Variants in SIK3 observed in about 807,000 individuals in gnomAD.
The protein encoded by SIK3 is serine/threonine-protein kinase SIK3.
SIK3 carries 28 observed loss-of-function variants against 144.2 expected under a neutral mutation model. The ratio of observed to expected loss-of-function variants is 0.19; its 90% CI spans 0.14 to 0.27. The LOEUF (loss-of-function observed/expected upper bound fraction) is 0.27, where lower values mean the gene tolerates loss of function less well. Among genes scored for constraint, SIK3 ranks in the 10% least tolerant of loss-of-function variants. SIK3 has a pLI of 1.00. For missense variants in SIK3, 1,319 were observed against 1,776.0 expected (o/e 0.74, Z 4.62); for synonymous variants, 686 against 676.3 (o/e 1.01, Z -0.22).
rs34899537 is a variant in SIK3 at position 116,927,081 on chromosome 11, ATT to A, written c.616+136_616+137del. The A allele has an allele frequency of 8.2e-4, 459 of 557,380 alleles. 2 individuals are homozygous for A. The African/African-American group carries it at 8.4e-3, about 10-fold the overall frequency. 34.5% of individuals were successfully genotyped at this position (557,380 alleles called of 1,614,324 possible). On this transcript the variant is annotated intron_variant, in intron 4 of 24. Transcript: ENST00000445177. ...TTTAAAGTTTATCAATTTTCAGGCT[ATT>A]TTTTTTTTCATCTTAAATTGTCCTT...
intron 4 of SIK3, among the ~76,000 whole-genome samples, chr11:116,920,573 T>C (rs1420080400): frequency 6.6e-6 from 1 of 152,236 alleles, no homozygotes; most frequent in Non-Finnish European, 1.5e-5. Flanking sequence ...TCTTACTGAC[T>C]GCTGTACCCC....
intron 1 of SIK3, among the ~76,000 whole-genome samples, chr11:117,072,625 T>C (rs934030516): frequency 2.0e-5 from 3 of 152,178 alleles, no homozygotes; most frequent in Admixed American, 2.0e-4. Flanking sequence ...ATTTTTACTA[T>C]CTGAAAATGT....
At chr11:116,958,499 C>G (rs1053618764) in intron 1 of SIK3, among the ~76,000 whole-genome samples, 3 of 152,048 alleles carry the variant, frequency 2.0e-5, no homozygotes, top group Non-Finnish European at 4.4e-5. Context: ...TCAAGGAGAT[C>G]ACAGTCTAAA....
chr11:117,050,665 C>A (rs1286403591), intron 1 of SIK3, among the ~76,000 whole-genome samples: 11 of 151,718 alleles, frequency 7.3e-5, no homozygotes, highest in Non-Finnish European at 1.5e-4. Context: ...CCAGCCTGGG[C>A]AACAAGAGTG....
At position 116,889,334 on chromosome 11, in the gene SIK3, T is replaced by C. The variant is rs575006197; in HGVS notation, c.865+6919A>G. ...ATCCCAGCACTCTGGGAGGCCAAGG[T>C]GGGAGGATTGCTTGAGGCCAAGAGT... On this transcript the variant is annotated intron_variant, in intron 6 of 24. Coordinates refer to ENST00000445177, the MANE Select transcript of SIK3 (RefSeq NM_001366686.3). 2.6e-5 allele frequency among the ~76,000 whole-genome samples: 4 copies of C among 152,220 alleles called. No homozygotes were observed. The South Asian group carries it at 8.3e-4, about 32-fold the overall frequency.
chr11:116,901,940 A>G (rs926618723), intron 4 of SIK3, among the ~76,000 whole-genome samples: 2 of 152,228 alleles, frequency 1.3e-5, no homozygotes, highest in African/African-American at 4.8e-5. Flanking sequence ...GATTCAGCAA[A>G]GTTGACGTCT....
intron 4 of SIK3, among the ~76,000 whole-genome samples, chr11:116,912,873 G>C (rs560649594): frequency 7.2e-5 from 11 of 152,148 alleles, no homozygotes; most frequent in Non-Finnish European, 1.2e-4. Flanking sequence ...AAATGTTGCT[G>C]CTAGAAATGA....
chr11:117,091,014 G>A (rs1005728014), intron 1 of SIK3, among the ~76,000 whole-genome samples: 2 of 152,268 alleles, frequency 1.3e-5, no homozygotes, highest in East Asian at 3.9e-4. Context: ...ACTGTTTTCT[G>A]TGATTAGAGA....
chr11:116,960,155 A>G (rs954616376), intron 1 of SIK3, among the ~76,000 whole-genome samples: 3 of 152,228 alleles, frequency 2.0e-5, no homozygotes, highest in Admixed American at 6.5e-5. Context: ...GGCACGTACA[A>G]AGAAGTTTTA....
intron 4 of SIK3, among the ~76,000 whole-genome samples, chr11:116,904,281 C>A (rs1397581809): frequency 1.3e-5 from 2 of 152,140 alleles, no homozygotes; most frequent in Admixed American, 6.6e-5. Context: ...CGAGCAAGGG[C>A]AGAACACTTA....
At chr11:116,910,721 G>A (rs1334708695) in intron 4 of SIK3, among the ~76,000 whole-genome samples, 1 of 152,030 alleles carries the variant, frequency 6.6e-6, no homozygotes, top group Non-Finnish European at 1.5e-5. Context: ...TAGTTCACAT[G>A]GCTCAAGATG....
rs760587578 is a variant in SIK3 at position 116,857,952 on chromosome 11, G to C, written c.3513C>G (p.Asp1171Glu). Residue 1171 changes from aspartate to glutamate, a missense_variant, in exon 21 of 25, where the codon GAC becomes GAG. Asp to Glu is a conservative substitution (Grantham distance 45). This residue lies in a region of SIK3 where 646 missense variants were observed against 763.7 expected (regional missense o/e 0.85). Transcript: ENST00000445177. Reference protein sequence around the residue: ...SSSTLTKGCHDSPLLLSTGGP... With the variant: ...SSSTLTKGCHESPLLLSTGGP... The stretch of plus-strand genomic sequence containing the variant: ...CACCGGTACTCAAGAGCAGAGGGCT[G>C]TCATGGCAACCTTTGGTCAATGTAC... 6.2e-7 allele frequency: 1 copy of C among 1,614,222 alleles called. No homozygotes were observed. Among genetic ancestry groups the C allele is most frequent in the Admixed American group, 1.7e-5 (1 of 60,030 alleles).
intron 1 of SIK3, among the ~76,000 whole-genome samples, chr11:117,050,156 G>A (rs1249145184): frequency 6.6e-6 from 1 of 151,982 alleles, no homozygotes; most frequent in Non-Finnish European, 1.5e-5. Context: ...GGGCATGGTA[G>A]CAGGCACCTA....
chr11:117,081,315 G>T (rs532933992), intron 1 of SIK3, among the ~76,000 whole-genome samples: 4 of 152,242 alleles, frequency 2.6e-5, no homozygotes, highest in African/African-American at 9.6e-5. Context: ...TACATAGACA[G>T]ATGTTTTTAA....
intron 3 of SIK3, among the ~76,000 whole-genome samples, chr11:116,945,376 A>G (rs1335771130): frequency 7.5e-6 from 1 of 134,032 alleles, no homozygotes; most frequent in Non-Finnish European, 1.6e-5. Flanking sequence ...TAGCTTCATG[A>G]ATTCTTTTTT....
chr11:116,847,472 T>G lies in SIK3; in HGVS notation c.3952+4A>C, dbSNP rs1942065117. The G allele has an allele frequency of 1.2e-6, 2 of 1,614,016 alleles. No homozygotes were observed. The highest frequency in any genetic ancestry group is 1.7e-6 in the Non-Finnish European group (2 of 1,180,020). On this transcript the variant is annotated splice_donor_region_variant and intron_variant, in intron 23 of 24. Transcript: ENST00000445177. ...TGGAGTGCCCCATGCATAAGGCTCC[T>G]CACCCTCATTTTCCCCATCCTGAAA...
chr11:117,089,323 C>T (rs1955147116), intron 1 of SIK3, among the ~76,000 whole-genome samples: 2 of 151,034 alleles, frequency 1.3e-5, no homozygotes, highest in Admixed American at 6.6e-5. Flanking sequence ...AGGAGAACGG[C>T]GTGAACCCGA....
At chr11:116,880,106 A>G (rs1329742869) in intron 6 of SIK3, among the ~76,000 whole-genome samples, 1 of 152,182 alleles carries the variant, frequency 6.6e-6, no homozygotes. Context: ...GCTTGCTTTA[A>G]AACAGATTTT....
Position 116,873,463 on chromosome 11 carries a change from C to T in SIK3, c.1737+18G>A. The T allele has an allele frequency of 1.2e-6, 2 of 1,614,162 alleles. No individual in the cohort carries two copies. Among genetic ancestry groups the T allele is most frequent in the Non-Finnish European group, 1.7e-6 (2 of 1,180,024 alleles). On this transcript the variant is annotated intron_variant, in intron 13 of 24. Coordinates refer to ENST00000445177, the MANE Select transcript of SIK3 (RefSeq NM_001366686.3). ...AAAGCCTCTGAGACAGTGAATTGGG[C>T]TCTGTGCTGCTACTCACTGGTGTCA...
Sources: allele counts gnomAD v4.1 joint callset (sites outside exome capture counted in the v4.1 genomes callset), GRCh38; gene constraint gnomAD v4.1.1; regional missense constraint gnomAD v4.1.1; transcripts MANE v1.5; gene names NCBI Gene and HGNC (gene_info 2026-07-23, HGNC 2026-07-21).